The following TCOF1 variants were observed in gnomAD, a reference collection of about 807,000 sequenced individuals.
The protein encoded by TCOF1 is treacle ribosome biogenesis factor 1.
TCOF1 carries 33 observed loss-of-function variants against 149.0 expected under a neutral mutation model. The observed-to-expected ratio is 0.22, with a 90% CI of 0.17 to 0.30. TCOF1 has a LOEUF of 0.30. Ranked by LOEUF, TCOF1 falls within the 10% of genes least tolerant of loss-of-function variation. TCOF1 has a pLI of 1.00. For missense variants in TCOF1, 1,728 were observed against 1,840.7 expected (o/e 0.94, Z 1.12); for synonymous variants, 789 against 738.8 (o/e 1.07, Z -1.10).
chr5:150,389,012 A>G (rs1212248671), intron 18 of TCOF1, among the ~76,000 whole-genome samples: 1 of 152,140 alleles, frequency 6.6e-6, no homozygotes, highest in East Asian at 1.9e-4. Context: ...AGGCCAAGGT[A>G]GGAAGATCGC....
chr5:150,382,931 A>G (rs929727206), intron 17 of TCOF1: 2 of 662,772 alleles, frequency 3.0e-6, no homozygotes, highest in East Asian at 5.6e-5. Flanking sequence ...ATCCCTGTGC[A>G]TGTGCAGGAA....
At chr5:150,373,691 C>G (rs1292337711) in intron 7 of TCOF1, among the ~76,000 whole-genome samples, 1 of 152,218 alleles carries the variant, frequency 6.6e-6, no homozygotes, top group Non-Finnish European at 1.5e-5. Flanking sequence ...GTGAGGGCCT[C>G]CCTCAGTCCC....
At chr5:150,371,067 C>G (rs1358100966) in intron 6 of TCOF1, among the ~76,000 whole-genome samples, 1 of 152,156 alleles carries the variant, frequency 6.6e-6, no homozygotes, top group Non-Finnish European at 1.5e-5. Flanking sequence ...TGGAGTAATA[C>G]TGATACTGGC....
intron 23 of TCOF1, chr5:150,394,489 C>A (rs1768034811): frequency 6.6e-6 from 1 of 152,254 alleles, no homozygotes; most frequent in South Asian, 2.1e-4. Flanking sequence ...CTGGATTATT[C>A]AATTCACCTA....
intron 5 of TCOF1, 135 bp from the exon 6 acceptor site, chr5:150,369,394 G>A (rs1581073383): frequency 4.2e-6 from 4 of 957,328 alleles, no homozygotes; most frequent in Non-Finnish European, 6.6e-6. Context: ...TCACAGCTCA[G>A]TGCATGTGAG....
At chr5:150,374,091 T>A in intron 7 of TCOF1, 83 bp from the exon 8 acceptor site, 1 of 1,468,258 alleles carries the variant, frequency 6.8e-7, no homozygotes, top group East Asian at 2.5e-5. Flanking sequence ...GGAGCCTCAT[T>A]AAGGCCTCTG....
intron 14 of TCOF1, among the ~76,000 whole-genome samples, chr5:150,377,464 G>A (rs182165735): frequency 1.9e-4 from 29 of 152,328 alleles, no homozygotes; most frequent in African/African-American, 6.3e-4. Context: ...GAAGAGCTGA[G>A]AGAAGATGGC....
chr5:150,377,521 G>T (rs758623239), intron 14 of TCOF1, among the ~76,000 whole-genome samples: 1 of 152,128 alleles, frequency 6.6e-6, no homozygotes, highest in Admixed American at 6.5e-5. Flanking sequence ...TTTAATTGTC[G>T]CTCTGTTTTT....
At chr5:150,391,696 G>A (rs376422424) in intron 20 of TCOF1, 39 bp downstream of exon 20, 97 of 1,579,576 alleles carry the variant, frequency 6.1e-5, no homozygotes, top group African/African-American at 1.6e-4. Context: ...CCCACGGAGC[G>A]TAGAAGGTGC....
intron 24 of TCOF1, among the ~76,000 whole-genome samples, chr5:150,397,691 C>T (rs1336762225): frequency 6.6e-6 from 1 of 152,198 alleles, no homozygotes; most frequent in African/African-American, 2.4e-5. Flanking sequence ...GTCGGGCACC[C>T]TCAGAGCAGG....
intron 17 of TCOF1, among the ~76,000 whole-genome samples, chr5:150,386,388 C>CT: frequency 6.6e-6 from 1 of 152,204 alleles, no homozygotes; most frequent in East Asian, 1.9e-4. Context: ...CCATCCTTCT[C>CT]TTTTTTATAT....
chr5:150,390,270 T>C (rs762175057), intron 19 of TCOF1, among the ~76,000 whole-genome samples: 5 of 152,202 alleles, frequency 3.3e-5, no homozygotes, highest in Non-Finnish European at 7.3e-5. Flanking sequence ...CTCGAGTCCC[T>C]CATGAGATTT....
intron 5 of TCOF1, 96 bp downstream of exon 5, chr5:150,368,998 C>A: frequency 6.6e-7 from 1 of 1,510,230 alleles, no homozygotes; most frequent in Non-Finnish European, 9.1e-7. Flanking sequence ...TTTCTGGAAT[C>A]AAAAGTTTGT....
intron 17 of TCOF1, chr5:150,380,892 C>T (rs1765003874): frequency 6.6e-6 from 1 of 152,162 alleles, no homozygotes; most frequent in Non-Finnish European, 1.5e-5. Context: ...GTCTGTAGTC[C>T]CAGCTACTCG....
chr5:150,363,413 G>C (rs1204466720), intron 2 of TCOF1, among the ~76,000 whole-genome samples: 2 of 152,176 alleles, frequency 1.3e-5, no homozygotes, highest in African/African-American at 4.8e-5. Flanking sequence ...ATGGGCGTGA[G>C]ACTTCAAAGT....
At chr5:150,382,918 G>T in intron 17 of TCOF1, 2 of 634,180 alleles carry the variant, frequency 3.2e-6, no homozygotes. Flanking sequence ...CAGGCCAGCA[G>T]GTATCCCTGT....
At chr5:150,384,698 A>C in intron 17 of TCOF1, 3 of 985,482 alleles carry the variant, frequency 3.0e-6, no homozygotes, top group Non-Finnish European at 3.6e-6. Flanking sequence ...GCAGAAAAGA[A>C]GTCAGCGGTT....
intron 23 of TCOF1, chr5:150,394,006 G>T: frequency 4.8e-6 from 1 of 206,520 alleles, no homozygotes; most frequent in Non-Finnish European, 9.9e-6. Flanking sequence ...GTGAGACCCT[G>T]TCTCAAAAAA....
chr5:150,368,943 TG>T, intron 5 of TCOF1, 41 bp downstream of exon 5: 1 of 1,611,372 alleles, frequency 6.2e-7, no homozygotes, highest in Non-Finnish European at 8.5e-7. Flanking sequence ...CCCCAGAACT[TG>T]GGCTGGTGAG....
Sources: gnomAD v4.1 joint callset for allele counts (sites outside exome capture counted in the v4.1 genomes callset) on GRCh38, gnomAD v4.1.1 for gene constraint, MANE v1.5 for transcripts, NCBI Gene and HGNC (gene_info 2026-07-23, HGNC 2026-07-21) for gene names.